Variants in NEURL1 observed in about 807,000 individuals in gnomAD.
NEURL1 encodes the protein neuralized E3 ubiquitin protein ligase 1.
Under a neutral mutation model 41.2 loss-of-function variants are expected in NEURL1, and 26 were observed. That is an observed-to-expected ratio of 0.63 (90% CI 0.46 to 0.87). The LOEUF (loss-of-function observed/expected upper bound fraction) is 0.87, where lower values mean the gene tolerates loss of function less well. Among genes scored for constraint, NEURL1 ranks in the 40% least tolerant of loss-of-function variants. The pLI, the probability that NEURL1 is intolerant of heterozygous loss-of-function variation, is 0.00. For missense variants in NEURL1, 761 were observed against 871.1 expected, an observed-to-expected ratio of 0.87 and a Z score of 1.59; for synonymous variants, 400 against 402.3, an observed-to-expected ratio of 0.99 and a Z score of 0.07.
intron 4 of NEURL1, among the ~76,000 whole-genome samples, chr10:103,588,189 C>A (rs1386288062): frequency 6.6e-6 from 1 of 151,708 alleles, no homozygotes; most frequent in Non-Finnish European, 1.5e-5. Context: ...GCCTGTAGTC[C>A]CAGCTACTCA....
At position 103,571,459 on chromosome 10, in the gene NEURL1, C is replaced by G. The variant is rs778941697; in HGVS notation, c.328-42C>G. The G allele has an allele frequency of 1.9e-6, 3 of 1,556,952 alleles. No homozygotes were observed. The African/African-American group carries it at 4.0e-5, about 21-fold the overall frequency. ...GGAGGCTGCCCTTGGTCTGATTGAC[C>G]AAGTGGGAGAGGGTGGGCTGAGGCC... is the stretch of plus-strand genomic sequence containing the variant. On this transcript the variant is annotated intron_variant, in intron 2 of 5. Coordinates refer to ENST00000369780, the MANE Select transcript of NEURL1 (RefSeq NM_004210.5).
intron 1 of NEURL1, among the ~76,000 whole-genome samples, chr10:103,521,068 C>T (rs1298200193): frequency 1.3e-5 from 2 of 152,136 alleles, no homozygotes; most frequent in Non-Finnish European, 2.9e-5. Context: ...TGGGCTCTAT[C>T]CTGGACAGAG....
rs76579456 is a variant in NEURL1, at chr10:103,544,889, G to A, written c.86-25983G>A. On this transcript the variant is annotated intron_variant, in intron 1 of 5. Coordinates refer to ENST00000369780, the MANE Select transcript of NEURL1 (RefSeq NM_004210.5). ...ACCGCCACCAGGAGGGAGAAGCCACGGAGACATTAAAAGGGGCTGCCCTCC... is the reference window on the plus strand; with the variant it reads ...ACCGCCACCAGGAGGGAGAAGCCACAGAGACATTAAAAGGGGCTGCCCTCC... Among the ~76,000 whole-genome samples, 1,078 of 152,280 alleles carry A rather than the reference G, an allele frequency of 7.1e-3. 14 individuals are homozygous for A. Among genetic ancestry groups the A allele is most frequent in the African/African-American group, 0.024 (977 of 41,540 alleles).
At chr10:103,506,191 T>C (rs2033942614) in intron 1 of NEURL1, among the ~76,000 whole-genome samples, 1 of 152,182 alleles carries the variant, frequency 6.6e-6, no homozygotes, top group Non-Finnish European at 1.5e-5. Flanking sequence ...ACCTTCATCC[T>C]TCCCACTTGG....
intron 1 of NEURL1, chr10:103,555,364 C>A: frequency 7.4e-7 from 1 of 1,354,574 alleles, no homozygotes. Flanking sequence ...GGTGGCTGCA[C>A]TGCCCGTCGC....
chr10:103,553,734 C>T (rs534521291), intron 1 of NEURL1, among the ~76,000 whole-genome samples: 79 of 152,368 alleles, frequency 5.2e-4, no homozygotes, highest in African/African-American at 1.9e-3. Context: ...GTGGGACAGC[C>T]TCCACCTTTC....
chr10:103,502,898 C>T (rs1213293673), intron 1 of NEURL1, among the ~76,000 whole-genome samples: 1 of 152,230 alleles, frequency 6.6e-6, no homozygotes, highest in South Asian at 2.1e-4. Context: ...GGCTGCTTCA[C>T]GCTGAGCCGG....
intron 3 of NEURL1, 45 bp downstream of exon 3, chr10:103,571,867 C>G: frequency 2.6e-6 from 4 of 1,532,842 alleles, no homozygotes; most frequent in Non-Finnish European, 3.5e-6. Context: ...GGACACCCCT[C>G]AGCCTCTGGG....
rs534339367 is a variant in NEURL1, at chr10:103,557,781, C to T, written c.86-13091C>T. Among the ~76,000 whole-genome samples, 29 of 152,356 alleles carry T rather than the reference C, an allele frequency of 1.9e-4. No individual in the cohort carries two copies. In the South Asian group the frequency reaches 5.2e-3, roughly 27 times the overall value. ...CTTCTGGGAAATGAGCTGGGGCCAG[C>T]GGGAGACGCAGGGGTTTGCTCCTTC... On this transcript the variant is annotated intron_variant, in intron 1 of 5. Transcript: ENST00000369780.
chr10:103,527,289 TTTTTTTTTTGG>T (rs1192989114), intron 1 of NEURL1, among the ~76,000 whole-genome samples: 2 of 136,996 alleles, frequency 1.5e-5, no homozygotes, highest in African/African-American at 5.6e-5. Flanking sequence ...ACTTTTTTTC[TTTTTTTTTTGG>T]TTTTTTTTTT....
intron 4 of NEURL1, among the ~76,000 whole-genome samples, chr10:103,585,888 A>G (rs990826019): frequency 1.3e-5 from 2 of 151,768 alleles, no homozygotes; most frequent in Non-Finnish European, 2.9e-5. Context: ...AGTCTCGGTT[A>G]CCATTTCTCC....
At chr10:103,510,067 C>T (rs1008852168) in intron 1 of NEURL1, among the ~76,000 whole-genome samples, 33 of 152,112 alleles carry the variant, frequency 2.2e-4, no homozygotes, top group African/African-American at 8.0e-4. Flanking sequence ...AACCTCCTTC[C>T]TCTTCTAGAG....
In NEURL1 at chr10:103,504,676, TG is replaced by T. The variant is rs202175728; in HGVS notation, c.85+10211del. ...CTGTGTGCAGCCCACACTTAAGCGG[TG>T]GGGGGGTTACGCTCCACAGGGGTGG... On this transcript the variant is annotated intron_variant, in intron 1 of 5. Coordinates refer to ENST00000369780, the MANE Select transcript of NEURL1 (RefSeq NM_004210.5). 1.0e-3 allele frequency among the ~76,000 whole-genome samples: 158 copies of T among 152,202 alleles called. 4 individuals carry two copies. The East Asian group carries it at 0.024, about 23-fold the overall frequency.
chr10:103,546,901 T>G (rs2034935071), intron 1 of NEURL1, among the ~76,000 whole-genome samples: 1 of 152,210 alleles, frequency 6.6e-6, no homozygotes, highest in African/African-American at 2.4e-5. Context: ...CTGGGCAGAC[T>G]GACTTGAGAT....
chr10:103,580,067 G>A (rs1351051435), intron 3 of NEURL1, among the ~76,000 whole-genome samples: 1 of 152,176 alleles, frequency 6.6e-6, no homozygotes, highest in African/African-American at 2.4e-5. Flanking sequence ...CCCAGGGCTG[G>A]GCACACAGTA....
chr10:103,534,186 T>A (rs1347679128), intron 1 of NEURL1, among the ~76,000 whole-genome samples: 1 of 151,858 alleles, frequency 6.6e-6, no homozygotes, highest in African/African-American at 2.4e-5. Flanking sequence ...CTGTATTTTT[T>A]TTTTTTTGTA....
intron 3 of NEURL1, among the ~76,000 whole-genome samples, chr10:103,578,911 A>C: frequency 6.6e-6 from 1 of 152,240 alleles, no homozygotes; most frequent in East Asian, 1.9e-4. Flanking sequence ...AAGGGCTGGC[A>C]GCGCCTCCCA....
rs1251455956 is a variant in NEURL1 at position 103,494,315 on chromosome 10, C to T, written c.-73C>T. 1 of 1,342,164 alleles carries T rather than the reference C, an allele frequency of 7.5e-7. No individual in the cohort carries two copies. The highest frequency in any genetic ancestry group is 2.1e-5 in the Admixed American group (1 of 47,630). 83.1% of individuals were successfully genotyped at this position (1,342,164 alleles called of 1,614,324 possible). ...TGGCGCGCACCCGCGCGCGCACACT[C>T]GCACACCGCACCTCAGCGCCTGCCC... On this transcript the variant is annotated 5_prime_UTR_variant, in exon 1 of 6. Transcript: ENST00000369780.
At position 103,592,514 on chromosome 10, in the gene NEURL1, G is replaced by C. The variant is rs1234137981; in HGVS notation, c.*2142G>C. 6.5e-6 allele frequency: 1 copy of C among 152,742 alleles called. No homozygotes were observed. The highest frequency in any genetic ancestry group is 2.1e-4 in the South Asian group (1 of 4,830). 9.5% of individuals were successfully genotyped at this position (152,742 alleles called of 1,614,324 possible). A position where few individuals can be genotyped will look rare whatever the true frequency, so the allele number is the denominator to read the frequency against. The stretch of plus-strand genomic sequence containing the variant: ...GCTGCTTCCCTTGTGCACTTGGGTC[G>C]CTGTGATTGTGAATAAAAGTGATTT... On this transcript the variant is annotated 3_prime_UTR_variant, in exon 6 of 6. Coordinates refer to ENST00000369780, the MANE Select transcript of NEURL1 (RefSeq NM_004210.5). This position sits in a 1 kb window ranked among gnomAD's most constrained non-coding sequence, Gnocchi z 4.8.
Sources: gnomAD v4.1 joint callset for allele counts (sites outside exome capture counted in the v4.1 genomes callset) on GRCh38, gnomAD v4.1.1 for gene constraint, Gnocchi (gnomAD v3.1) non-coding constraint, MANE v1.5 for transcripts, NCBI Gene and HGNC (gene_info 2026-07-23, HGNC 2026-07-21) for gene names.